AKR1C8: variants seen among roughly 807,000 people sequenced by gnomAD.
The protein encoded by AKR1C8 is aldo-keto reductase family 1 member C8.
the AKR1C8 span, among the ~76,000 whole-genome samples, chr10:5,153,874 G>GA: frequency 3.3e-5 from 5 of 152,128 alleles, no homozygotes; most frequent in African/African-American, 1.2e-4. Flanking sequence ...AATCATGAAG[G>GA]AAAATGCATC....
chr10:5,173,395 A>AG, the AKR1C8 span, among the ~76,000 whole-genome samples: 1 of 152,092 alleles, frequency 6.6e-6, no homozygotes. Context: ...AATGTGTAAC[A>AG]GGTGCAGAAT....
the AKR1C8 span, among the ~76,000 whole-genome samples, chr10:5,125,759 C>T: frequency 6.6e-6 from 1 of 152,186 alleles, no homozygotes; most frequent in South Asian, 2.1e-4. Context: ...TATGTCACTT[C>T]CTTGACACCA....
the AKR1C8 span, among the ~76,000 whole-genome samples, chr10:5,130,119 G>A: frequency 1.6e-4 from 25 of 151,748 alleles, no homozygotes; most frequent in East Asian, 4.6e-3. Flanking sequence ...TATAACATAG[G>A]CAAGTCAATA....
the AKR1C8 span, among the ~76,000 whole-genome samples, chr10:5,177,162 G>A: frequency 2.6e-4 from 40 of 152,160 alleles, no homozygotes; most frequent in South Asian, 2.5e-3. Context: ...ATCAATACCT[G>A]ATTTATTGAG....
the AKR1C8 span, among the ~76,000 whole-genome samples, chr10:5,177,670 C>A: frequency 2.0e-5 from 3 of 152,154 alleles, no homozygotes; most frequent in Admixed American, 6.5e-5. Flanking sequence ...TGTTATTGGT[C>A]TATTCAGAGA....
chr10:5,116,585 A>T, the AKR1C8 span, among the ~76,000 whole-genome samples: 1 of 152,134 alleles, frequency 6.6e-6, no homozygotes, highest in Non-Finnish European at 1.5e-5. Flanking sequence ...CTTTCTAATC[A>T]TGCTTCTTCC....
At chr10:5,132,949 A>T in the AKR1C8 span, among the ~76,000 whole-genome samples, 1 of 152,162 alleles carries the variant, frequency 6.6e-6, no homozygotes, top group African/African-American at 2.4e-5. Flanking sequence ...AATGTTGGGT[A>T]TCCCTGGACC....
the AKR1C8 span, among the ~76,000 whole-genome samples, chr10:5,144,538 C>T: frequency 6.6e-6 from 1 of 151,228 alleles, no homozygotes; most frequent in Non-Finnish European, 1.5e-5. Flanking sequence ...TTTGTATCCT[C>T]TTTTATTTCC....
the AKR1C8 span, among the ~76,000 whole-genome samples, chr10:5,144,475 T>C: frequency 2.0e-5 from 3 of 151,794 alleles, no homozygotes; most frequent in Non-Finnish European, 4.4e-5. Context: ...AGTATGGCCA[T>C]TTTCACGATA....
chr10:5,157,024 TTTGG>T, the AKR1C8 span, among the ~76,000 whole-genome samples: 2 of 152,142 alleles, frequency 1.3e-5, no homozygotes, highest in East Asian at 3.9e-4. Flanking sequence ...AATTTCTTAG[TTTGG>T]TTGGTCTGTA....
At chr10:5,154,579 T>A in the AKR1C8 span, 4 of 160,534 alleles carry the variant, frequency 2.5e-5, no homozygotes, top group African/African-American at 9.6e-5. Flanking sequence ...CACAGTCTCA[T>A]AAGGCAGATC....
the AKR1C8 span, among the ~76,000 whole-genome samples, chr10:5,181,355 T>C: frequency 6.6e-6 from 1 of 152,332 alleles, no homozygotes; most frequent in South Asian, 2.1e-4. Flanking sequence ...TAAAGACTAA[T>C]AAAAAGTTTT....
chr10:5,184,344 G>A, the AKR1C8 span, among the ~76,000 whole-genome samples: 1 of 151,454 alleles, frequency 6.6e-6, no homozygotes, highest in Admixed American at 6.6e-5. Flanking sequence ...AATTTTCTCA[G>A]TCATAAGACA....
chr10:5,143,427 G>C, the AKR1C8 span, among the ~76,000 whole-genome samples: 1 of 152,104 alleles, frequency 6.6e-6, no homozygotes, highest in Non-Finnish European at 1.5e-5. Context: ...TTCAGCCTTA[G>C]ACTGGAGGAT....
chr10:5,153,712 AACTC>A, the AKR1C8 span, among the ~76,000 whole-genome samples: 1 of 152,066 alleles, frequency 6.6e-6, no homozygotes, highest in Non-Finnish European at 1.5e-5. Flanking sequence ...ATTTCATGAG[AACTC>A]ACTATCACCA....
At chr10:5,155,504 G>C in the AKR1C8 span, 2 of 290,396 alleles carry the variant, frequency 6.9e-6, no homozygotes, top group Non-Finnish European at 1.4e-5. Context: ...TTTCTGCTGG[G>C]TCAGAGATTG....
At chr10:5,133,484 C>CCT in the AKR1C8 span, among the ~76,000 whole-genome samples, 1 of 152,120 alleles carries the variant, frequency 6.6e-6, no homozygotes, top group Non-Finnish European at 1.5e-5. Flanking sequence ...TCCTATGATT[C>CCT]CTCTCTCAGT....
At chr10:5,164,812 C>A in the AKR1C8 span, among the ~76,000 whole-genome samples, 1 of 152,170 alleles carries the variant, frequency 6.6e-6, no homozygotes, top group African/African-American at 2.4e-5. Flanking sequence ...TCAGTGTTAT[C>A]TGAAGGCTCC....
At chr10:5,159,812 G>T in the AKR1C8 span, 1 of 473,036 alleles carries the variant, frequency 2.1e-6, no homozygotes, top group Non-Finnish European at 4.4e-6. Flanking sequence ...CAGAAACTTG[G>T]AGACATGATT....
Sources: gnomAD v4.1 joint callset for allele counts (sites outside exome capture counted in the v4.1 genomes callset) on GRCh38, gnomAD v4.1.1 for gene constraint, MANE v1.5 for transcripts, NCBI Gene and HGNC (gene_info 2026-07-23, HGNC 2026-07-21) for gene names.